The following DOP1A variants were observed in gnomAD, a reference collection of about 807,000 sequenced individuals.
The protein encoded by DOP1A is protein DOP1A.
A neutral mutation model predicts 267.6 loss-of-function variants in DOP1A; 90 were observed. The observed-to-expected ratio is 0.34, with a 90% CI of 0.28 to 0.40. DOP1A has a LOEUF of 0.40. Among genes scored for constraint, DOP1A ranks in the 10% least tolerant of loss-of-function variants. The pLI, the probability that DOP1A is intolerant of heterozygous loss-of-function variation, is 1.00. For missense variants in DOP1A, 2,437 were observed against 2,900.4 expected (o/e 0.84, Z 3.67); for synonymous variants, 932 against 999.1 (o/e 0.93, Z 1.27).
chr6:83,135,952 T>A, intron 20 of DOP1A, 74 bp downstream of exon 20: 1 of 1,512,398 alleles, frequency 6.6e-7, no homozygotes, highest in Non-Finnish European at 8.9e-7. Flanking sequence ...ACAACAGTAA[T>A]TGTTGAAAGA....
chr6:83,071,706 AAT>A (rs1785629120), intron 1 of DOP1A, among the ~76,000 whole-genome samples: 1 of 152,218 alleles, frequency 6.6e-6, no homozygotes, highest in East Asian at 1.9e-4. Context: ...TACCTTAAAA[AAT>A]ATAGTAAAAA....
At chr6:83,158,222 C>T (rs1219293600) in intron 35 of DOP1A, among the ~76,000 whole-genome samples, 2 of 152,074 alleles carry the variant, frequency 1.3e-5, no homozygotes, top group Admixed American at 6.5e-5. Flanking sequence ...AGGATGGTCT[C>T]GATCTCCTGA....
At chr6:83,122,805 A>T (rs928718155) in intron 11 of DOP1A, 58 bp from the exon 12 acceptor site, 23 of 1,312,424 alleles carry the variant, frequency 1.8e-5, no homozygotes, top group Non-Finnish European at 2.3e-5. Context: ...TCAAATTTAA[A>T]TTTGAAAAAA....
At chr6:83,101,965 T>G (rs1362336859) in intron 4 of DOP1A, among the ~76,000 whole-genome samples, 1 of 152,200 alleles carries the variant, frequency 6.6e-6, no homozygotes, top group Non-Finnish European at 1.5e-5. Context: ...ATCTCTAGAT[T>G]TGTTCATCTG....
At chr6:83,162,417 T>G (rs1024714452) in intron 37 of DOP1A, among the ~76,000 whole-genome samples, 1 of 152,184 alleles carries the variant, frequency 6.6e-6, no homozygotes. Context: ...CAGACTGTTA[T>G]GTTGCAGTAC....
At chr6:83,123,694 A>G (rs531839641) in intron 12 of DOP1A, among the ~76,000 whole-genome samples, 1 of 152,270 alleles carries the variant, frequency 6.6e-6, no homozygotes, top group East Asian at 1.9e-4. Flanking sequence ...AAAAAGCATC[A>G]TGCTAGGCAG....
intron 1 of DOP1A, among the ~76,000 whole-genome samples, chr6:83,091,109 A>T (rs1352221330): frequency 4.3e-5 from 6 of 140,470 alleles, no homozygotes; most frequent in Admixed American, 7.2e-5. Context: ...GAAAAAAATT[A>T]AAAAAAAAAA....
chr6:83,110,324 A>G lies in DOP1A; in HGVS notation c.681+10A>G. The G allele has an allele frequency of 6.2e-7, 1 of 1,609,598 alleles. No homozygotes were observed. The highest frequency in any genetic ancestry group is 8.5e-7 in the Non-Finnish European group (1 of 1,177,556). On this transcript the variant is annotated intron_variant, in intron 6 of 38. Transcript: ENST00000349129. ...TGATATTGAGCTAATGGTAGGTCTA[A>G]AAATATGGTTGCTCATTTCACAAAT...
At chr6:83,159,981 TA>T (rs748228927) in intron 37 of DOP1A, 21 bp downstream of exon 37, 7 of 1,610,942 alleles carry the variant, frequency 4.3e-6, no homozygotes, top group Non-Finnish European at 5.1e-6. Flanking sequence ...GCAAGGATAT[TA>T]AATGGTTATT....
intron 7 of DOP1A, among the ~76,000 whole-genome samples, chr6:83,117,250 G>A (rs1170604410): frequency 3.3e-5 from 5 of 151,332 alleles, no homozygotes; most frequent in South Asian, 2.1e-4. Flanking sequence ...TCCAGGGTTC[G>A]AGTGATTCTC....
chr6:83,075,117 A>T (rs1384542245), intron 1 of DOP1A, among the ~76,000 whole-genome samples: 1 of 152,252 alleles, frequency 6.6e-6, no homozygotes, highest in Non-Finnish European at 1.5e-5. Flanking sequence ...AGCATATTAT[A>T]AACACTATTC....
intron 27 of DOP1A, 65 bp from the exon 28 acceptor site, chr6:83,151,528 T>G: frequency 7.6e-7 from 1 of 1,315,048 alleles, no homozygotes; most frequent in Non-Finnish European, 1.1e-6. Context: ...TCGTGAGAAA[T>G]TAGATCGCAT....
chr6:83,125,281 G>A (rs1488312019), intron 14 of DOP1A, 86 bp downstream of exon 14: 7 of 1,340,250 alleles, frequency 5.2e-6, no homozygotes, highest in Non-Finnish European at 6.1e-6. Flanking sequence ...GATAAAACTG[G>A]GGTTATTTTA....
intron 26 of DOP1A, among the ~76,000 whole-genome samples, chr6:83,148,179 C>T (rs1401271890): frequency 2.0e-5 from 3 of 151,990 alleles, no homozygotes; most frequent in East Asian, 1.9e-4. Flanking sequence ...TTTGGGAGGC[C>T]GAGGCGGGCG....
intron 37 of DOP1A, among the ~76,000 whole-genome samples, chr6:83,162,143 G>A (rs1341296739): frequency 1.3e-5 from 2 of 152,070 alleles, no homozygotes; most frequent in Non-Finnish European, 2.9e-5. Context: ...CTCTCTGGAC[G>A]GACTTACGAA....
chr6:83,167,828 G>A (rs767728867), intron 38 of DOP1A, 34 bp from the exon 39 acceptor site: 2 of 1,572,278 alleles, frequency 1.3e-6, no homozygotes, highest in African/African-American at 2.7e-5. Flanking sequence ...ATTGTCTGTT[G>A]TATTAATACC....
At chr6:83,157,346 A>G (rs1783009792) in intron 35 of DOP1A, 28 bp downstream of exon 35, 1 of 1,604,582 alleles carries the variant, frequency 6.2e-7, no homozygotes, top group Non-Finnish European at 8.5e-7. Context: ...CAGTCAGGTT[A>G]TAAATCTAAA....
chr6:83,083,078 G>A (rs935850601), intron 1 of DOP1A, among the ~76,000 whole-genome samples: 1 of 151,744 alleles, frequency 6.6e-6, no homozygotes, highest in Non-Finnish European at 1.5e-5. Context: ...GAAGTGCTGG[G>A]ATTACAGGCA....
chr6:83,158,008 T>A (rs1388452300), intron 35 of DOP1A, among the ~76,000 whole-genome samples: 2 of 152,098 alleles, frequency 1.3e-5, no homozygotes, highest in Non-Finnish European at 2.9e-5. Flanking sequence ...CCTTTTTTTT[T>A]TGTTTTTTGA....
Sources: gnomAD v4.1 joint callset for allele counts (sites outside exome capture counted in the v4.1 genomes callset) on GRCh38, gnomAD v4.1.1 for gene constraint, MANE v1.5 for transcripts, NCBI Gene and HGNC (gene_info 2026-07-23, HGNC 2026-07-21) for gene names.